USP42: variants seen among roughly 807,000 people sequenced by gnomAD.
USP42 encodes ubiquitin carboxyl-terminal hydrolase 42.
Under a neutral mutation model 113.0 loss-of-function variants are expected in USP42, and 23 were observed. That is an observed-to-expected ratio of 0.20 (90% CI 0.15 to 0.29). The LOEUF is 0.29. Among genes scored for constraint, USP42 ranks in the 10% least tolerant of loss-of-function variants. The pLI, the probability that USP42 is intolerant of heterozygous loss-of-function variation, is 1.00. For missense variants in USP42, 2,174 were observed against 1,779.8 expected (o/e 1.22, Z -3.99); for synonymous variants, 933 against 699.0 (o/e 1.33, Z -5.28).
chr7:6,094,492 C>G, the USP42 span, among the ~76,000 whole-genome samples: 3 of 151,158 alleles, frequency 2.0e-5, no homozygotes, highest in Admixed American at 1.3e-4. Flanking sequence ...AAACACAACT[C>G]CATTCTGTTG....
chr7:6,133,954 C>CA (rs1780992468), intron 3 of USP42, among the ~76,000 whole-genome samples: 1 of 150,650 alleles, frequency 6.6e-6, no homozygotes, highest in Admixed American at 6.6e-5. Context: ...GCAGTGGTGC[C>CA]ATCTCAGCTC....
intron 17 of USP42, among the ~76,000 whole-genome samples, 175 bp from the exon 18 acceptor site, chr7:6,160,380 G>C (rs534211649): frequency 2.2e-4 from 34 of 152,082 alleles, no homozygotes; most frequent in African/African-American, 8.2e-4. Context: ...CCCTGGCTGA[G>C]CTGCCCGCAC....
At chr7:6,129,393 T>G (rs1206449799) in intron 3 of USP42, among the ~76,000 whole-genome samples, 1 of 150,206 alleles carries the variant, frequency 6.7e-6, no homozygotes. Flanking sequence ...CCATCTCTAC[T>G]AAAAATACAA....
chr7:6,103,755 AC>A (rs201000582), upstream of USP42, among the ~76,000 whole-genome samples: 626 of 143,210 alleles, frequency 4.4e-3, 52 homozygotes, highest in African/African-American at 0.014. Flanking sequence ...AAAAAAAAAA[AC>A]AAAACTTAAA....
intron 3 of USP42, among the ~76,000 whole-genome samples, chr7:6,125,178 C>G (rs1311296939): frequency 9.8e-6 from 1 of 101,896 alleles, no homozygotes; most frequent in Admixed American, 1.2e-4. Context: ...GAGACTCTGT[C>G]TCAACAAAAA....
At chr7:6,141,013 CA>C in intron 7 of USP42, 29 bp downstream of exon 7, 1 of 1,166,640 alleles carries the variant, frequency 8.6e-7, no homozygotes, top group East Asian at 2.5e-5. Flanking sequence ...GGAGTAATTA[CA>C]TTTTTAAAAT....
At chr7:6,151,509 C>G (rs1048681328) in intron 14 of USP42, among the ~76,000 whole-genome samples, 41 of 152,218 alleles carry the variant, frequency 2.7e-4, no homozygotes, top group African/African-American at 9.4e-4. Context: ...GCGATCTCAG[C>G]TCACTGCAGC....
Position 6,154,855 on chromosome 7 carries a change from A to T in USP42, c.3301A>T (p.Arg1101Trp). The part of the protein sequence containing the change: ...RPHKDHNRGR[R>W]GCEPARERER... ...GCACAAGGACCACAACCGGGGCCGT[A>T]GGGGCTGCGAGCCGGCCCGGGAGAG... Residue 1101 changes from arginine (R) to tryptophan (W), a missense_variant, in exon 15 of 18, where the codon AGG (arginine) becomes TGG (tryptophan). Physicochemically the swap from Arg to Trp is moderately radical, Grantham distance 101. Transcript: ENST00000306177. The T allele has an allele frequency of 6.5e-7, 1 of 1,530,350 alleles. No homozygotes were observed. Among genetic ancestry groups the T allele is most frequent in the Non-Finnish European group, 8.8e-7 (1 of 1,136,608 alleles). The allele number at this position is 1,530,350 out of a possible 1,614,324, so 94.8% of individuals were successfully genotyped here. A position where few individuals can be genotyped will look rare whatever the true frequency, so the allele number is the denominator to read the frequency against.
chr7:6,146,386 A>G (rs2128510445), intron 11 of USP42, 138 bp downstream of exon 11: 2 of 638,106 alleles, frequency 3.1e-6, no homozygotes, highest in Admixed American at 3.4e-5. Context: ...TAGCCTGGGC[A>G]TGGTGCCTCA....
chr7:6,130,285 C>T (rs575330356), intron 3 of USP42, among the ~76,000 whole-genome samples: 6 of 152,340 alleles, frequency 3.9e-5, no homozygotes, highest in Admixed American at 2.0e-4. Context: ...ACTCAGCCTC[C>T]GTTGGCACCC....
chr7:6,093,286 T>C, the USP42 span, among the ~76,000 whole-genome samples: 41 of 147,132 alleles, frequency 2.8e-4, no homozygotes. Context: ...TTTTCTTCTC[T>C]CTCTTTTTTT....
chr7:6,116,998 C>CTCCCTCTCTTTCTCTCTCTCTTT, intron 3 of USP42: 1 of 409,664 alleles, frequency 2.4e-6, no homozygotes, highest in South Asian at 1.9e-5. Flanking sequence ...CCCTCCCTTC[C>CTCCCTCTCTTTCTCTCTCTCTTT]TCCCTCTCTT....
intron 2 of USP42, among the ~76,000 whole-genome samples, chr7:6,112,519 T>C (rs1779653469): frequency 6.6e-6 from 1 of 152,172 alleles, no homozygotes; most frequent in South Asian, 2.1e-4. Flanking sequence ...GATACAAATG[T>C]GGTTACATTC....
intron 3 of USP42, among the ~76,000 whole-genome samples, chr7:6,119,900 C>CCAA (rs1183189271): frequency 1.3e-5 from 2 of 152,094 alleles, no homozygotes; most frequent in Non-Finnish European, 2.9e-5. Flanking sequence ...GACAGTCTCA[C>CCAA]CATGTTGCCC....
intron 1 of USP42, among the ~76,000 whole-genome samples, chr7:6,105,704 G>A (rs1042838774): frequency 3.9e-5 from 6 of 152,350 alleles, no homozygotes; most frequent in Non-Finnish European, 8.8e-5. Context: ...AAAAGCATGT[G>A]TGCCTCTCTA....
Position 6,154,518 on chromosome 7 carries a change from C to G in USP42, c.2964C>G (p.Arg988=). Residue 988 remains arginine, a synonymous_variant, in exon 15 of 18, where the codon CGC becomes CGG. Coordinates refer to ENST00000306177, the MANE Select transcript of USP42 (RefSeq NM_032172.3). ...HRRRRTCPRE[R]DRQDRHAPEH... ...GGCGCCGCACCTGCCCCCGGGAGCG[C>G]GACCGCCAGGACCGCCACGCCCCGG... The G allele has an allele frequency of 6.5e-7, 1 of 1,541,204 alleles. No homozygotes were observed. The highest frequency in any genetic ancestry group is 8.7e-7 in the Non-Finnish European group (1 of 1,143,718).
intron 2 of USP42, 21 bp downstream of exon 2, chr7:6,111,395 G>A (rs897801474): frequency 1.1e-5 from 18 of 1,603,818 alleles, no homozygotes; most frequent in Non-Finnish European, 1.4e-5. Flanking sequence ...TCAAAAGAGA[G>A]AATTACCGCC....
At chr7:6,122,934 A>G (rs138232516) in intron 3 of USP42, among the ~76,000 whole-genome samples, 1,734 of 145,324 alleles carry the variant, frequency 0.012, 33 homozygotes, top group African/African-American at 0.041. Context: ...AGTGATTCTC[A>G]TACCTCAGCC....
rs1332353770 is a variant in USP42 at position 6,154,481 on chromosome 7, A to G, written c.2927A>G (p.His976Arg). 3 of 1,551,928 alleles carry G rather than the reference A, an allele frequency of 1.9e-6. No homozygotes were observed. Among genetic ancestry groups the G allele is most frequent in the Non-Finnish European group, 2.6e-6 (3 of 1,148,746 alleles). ...ARESRSKTEG[H>R]RHRRRRTCPR... ...GAGAGCAGGAGCAAGACTGAGGGCC[A>G]CCGTCACCGGCGGCGCCGCACCTGC... is the stretch of plus-strand genomic sequence containing the variant. Residue 976 changes from histidine (H) to arginine (R), a missense_variant, in exon 15 of 18, where the codon CAC becomes CGC. His to Arg is a conservative substitution (Grantham distance 29). Coordinates refer to ENST00000306177, the MANE Select transcript of USP42 (RefSeq NM_032172.3).
Sources: allele counts gnomAD v4.1 joint callset (sites outside exome capture counted in the v4.1 genomes callset), GRCh38; gene constraint gnomAD v4.1.1; transcripts MANE v1.5; gene names NCBI Gene and HGNC (gene_info 2026-07-23, HGNC 2026-07-21).